The following NAV1 variants were observed in gnomAD, a reference collection of about 807,000 sequenced individuals.
The protein encoded by NAV1 is neuron navigator 1, also known as pore membrane and/or filament interacting like protein 3.
A neutral mutation model predicts 175.2 loss-of-function variants in NAV1; 18 were observed. That is an observed-to-expected ratio of 0.10 (90% CI 0.07 to 0.15). The LOEUF (loss-of-function observed/expected upper bound fraction) is 0.15. NAV1 is among the 10% of genes least tolerant of loss of function. The pLI, the probability that NAV1 is intolerant of heterozygous loss-of-function variation, is 1.00. For missense variants in NAV1, 1,731 were observed against 2,436.6 expected (o/e 0.71, Z 6.10); for synonymous variants, 897 against 978.7 (o/e 0.92, Z 1.56).
At chr1:201,734,335 G>A (rs1672996349) in intron 3 of NAV1, among the ~76,000 whole-genome samples, 1 of 151,744 alleles carries the variant, frequency 6.6e-6, no homozygotes, top group Admixed American at 6.6e-5. Flanking sequence ...TTGAGTGATT[G>A]GAGATTGAGG....
chr1:201,813,264 C>A lies in NAV1; in HGVS notation c.5340+6C>A. The A allele has an allele frequency of 6.4e-7, 1 of 1,565,246 alleles. No individual in the cohort carries two copies. Among genetic ancestry groups the A allele is most frequent in the Non-Finnish European group, 8.8e-7 (1 of 1,137,672 alleles). On this transcript the variant is annotated splice_donor_region_variant and intron_variant, in intron 28 of 29. Transcript: ENST00000367296. This position sits in a 1 kb window ranked among gnomAD's most constrained non-coding sequence, Gnocchi z 4.2. The stretch of plus-strand genomic sequence containing the variant: ...GAGCCAAGGATGGGATAAAGGTGAG[C>A]CCTACCCCCTTCACTCAAACCCTAA...
At chr1:201,651,789 C>A (rs945762171) in intron 1 of NAV1, among the ~76,000 whole-genome samples, 3 of 152,092 alleles carry the variant, frequency 2.0e-5, no homozygotes, top group African/African-American at 7.2e-5. Context: ...AGGGGCTTAG[C>A]TCTCTGGGGT....
intron 2 of NAV1, among the ~76,000 whole-genome samples, chr1:201,714,037 A>T (rs1357082492): frequency 2.6e-5 from 4 of 152,284 alleles, no homozygotes; most frequent in East Asian, 3.9e-4. Context: ...CAGCCTCCCG[A>T]GTAGCTGGGA....
chr1:201,783,624 G>C, exon 7 of NAV1: 1 of 1,614,130 alleles, frequency 6.2e-7, no homozygotes, highest in Non-Finnish European at 8.5e-7. Context: ...TTCTCCCAGG[G>C]CCTGGAGCTA....
chr1:201,598,508 G>C (rs1311552153), intron 2 of NAV1, among the ~76,000 whole-genome samples: 5 of 152,236 alleles, frequency 3.3e-5, no homozygotes, highest in Non-Finnish European at 7.3e-5. Context: ...CAAAGTGTGT[G>C]TCCTGGTGAG....
At chr1:201,658,928 A>G (rs1015313786) in intron 1 of NAV1, among the ~76,000 whole-genome samples, 2 of 152,220 alleles carry the variant, frequency 1.3e-5, no homozygotes, top group Admixed American at 6.5e-5. Context: ...CTCTTAGCCT[A>G]AACTCAAGTC....
intron 1 of NAV1, among the ~76,000 whole-genome samples, chr1:201,666,670 G>C (rs125872): frequency 6.6e-6 from 1 of 152,096 alleles, no homozygotes; most frequent in South Asian, 2.1e-4. Flanking sequence ...GGAAGATGTT[G>C]CCTACCTGTA....
At chr1:201,557,033 C>G (rs942837474) in intron 1 of NAV1, among the ~76,000 whole-genome samples, 8 of 152,158 alleles carry the variant, frequency 5.3e-5, no homozygotes, top group Non-Finnish European at 1.2e-4. Context: ...AGGGCCCCCA[C>G]TTAAGGCTTG....
chr1:201,604,853 G>A (rs1256916682), intron 2 of NAV1, among the ~76,000 whole-genome samples: 1 of 152,094 alleles, frequency 6.6e-6, no homozygotes, highest in Non-Finnish European at 1.5e-5. Flanking sequence ...GTCACCCATC[G>A]AGGAAGGGGT....
chr1:201,544,481 A>T (rs1557990353), intron 1 of NAV1, among the ~76,000 whole-genome samples: 1 of 152,216 alleles, frequency 6.6e-6, no homozygotes, highest in Non-Finnish European at 1.5e-5. Flanking sequence ...TCTATTCCAG[A>T]TACATCAAAT....
intron 3 of NAV1, among the ~76,000 whole-genome samples, chr1:201,759,656 AGTT>A (rs1674720445): frequency 6.6e-6 from 1 of 152,160 alleles, no homozygotes; most frequent in Non-Finnish European, 1.5e-5. Flanking sequence ...GCTAATGTTG[AGTT>A]GGATCCCAGC....
intron 1 of NAV1, among the ~76,000 whole-genome samples, chr1:201,700,770 G>A (rs527979035): frequency 2.2e-4 from 33 of 152,214 alleles, no homozygotes; most frequent in African/African-American, 7.7e-4. Context: ...CCAGCACTTT[G>A]GGAGGCCGAG....
chr1:201,713,447 C>T (rs1236407798), intron 2 of NAV1, among the ~76,000 whole-genome samples: 2 of 152,228 alleles, frequency 1.3e-5, no homozygotes, highest in Non-Finnish European at 1.5e-5. Context: ...TCACCCAGCT[C>T]CATGCCCTGT....
At position 201,787,135 on chromosome 1, in the gene NAV1, G is replaced by A. The variant is rs1676814781; in HGVS notation, c.2995+558G>A. On this transcript the variant is annotated intron_variant, in intron 9 of 29. Coordinates refer to ENST00000367296, the Ensembl canonical transcript of NAV1. This position sits in a 1 kb window ranked among gnomAD's most constrained non-coding sequence, Gnocchi z 4.3. ...CCCTTCCTAAAGCCTAGGGAGAAAG[G>A]AGAGCTAGGAAATAAGGAAGTGACT... is the stretch of plus-strand genomic sequence containing the variant. Among the ~76,000 whole-genome samples, 1 of 152,194 alleles carries A rather than the reference G, an allele frequency of 6.6e-6. No homozygotes were observed. Among genetic ancestry groups the A allele is most frequent in the Admixed American group, 6.5e-5 (1 of 15,286 alleles).
chr1:201,811,886 C>G lies in NAV1; in HGVS notation c.4953-17C>G. On this transcript the variant is annotated splice_polypyrimidine_tract_variant and intron_variant, in intron 25 of 29. Coordinates refer to ENST00000367296, the Ensembl canonical transcript of NAV1. Reference sequence around the variant, plus strand: ...AAGGCAAGTCTAAGTGAATCTTTTTCCCCTTTCTCCCTACAGTCCCTATAT... The same window carrying G: ...AAGGCAAGTCTAAGTGAATCTTTTTGCCCTTTCTCCCTACAGTCCCTATAT... The G allele has an allele frequency of 6.2e-7, 1 of 1,613,872 alleles. No individual in the cohort carries two copies. Among genetic ancestry groups the G allele is most frequent in the Non-Finnish European group, 8.5e-7 (1 of 1,179,768 alleles).
intron 3 of NAV1, among the ~76,000 whole-genome samples, chr1:201,733,715 C>G (rs1253749202): frequency 1.3e-5 from 2 of 151,928 alleles, no homozygotes; most frequent in Non-Finnish European, 2.9e-5. Context: ...AGAGAGCTGT[C>G]CAGGCAGACA....
intron 1 of NAV1, among the ~76,000 whole-genome samples, chr1:201,657,469 C>T (rs1558042786): frequency 1.3e-5 from 2 of 152,178 alleles, no homozygotes; most frequent in Admixed American, 6.5e-5. Flanking sequence ...ATGCTCCATT[C>T]GTCTTTCTGC....
chr1:201,556,619 G>T (rs554774321), intron 1 of NAV1, among the ~76,000 whole-genome samples: 3 of 152,254 alleles, frequency 2.0e-5, no homozygotes, highest in Admixed American at 1.3e-4. Context: ...GAACTGGGGG[G>T]CCTTCCAGGC....
chr1:201,701,794 G>T (rs1671440093), intron 1 of NAV1, among the ~76,000 whole-genome samples: 1 of 152,208 alleles, frequency 6.6e-6, no homozygotes, highest in Non-Finnish European at 1.5e-5. Flanking sequence ...AATGAGAAAT[G>T]GAGCAGCCAC....
Sources: gnomAD v4.1 joint callset for allele counts (sites outside exome capture counted in the v4.1 genomes callset) on GRCh38, gnomAD v4.1.1 for gene constraint, Gnocchi (gnomAD v3.1) non-coding constraint, MANE v1.5 for transcripts, NCBI Gene and HGNC (gene_info 2026-07-23, HGNC 2026-07-21) for gene names.